Variants in ZNF735 observed in about 807,000 individuals in gnomAD.
ZNF735 encodes zinc finger protein 735.
ZNF735 carries 11 observed loss-of-function variants against 13.4 expected under a neutral mutation model. The ratio of observed to expected loss-of-function variants is 0.82; its 90% CI spans 0.52 to 1.36. The LOEUF (loss-of-function observed/expected upper bound fraction) is 1.36. Ranked by LOEUF, ZNF735 falls within the 40% of genes most tolerant of loss-of-function variation. ZNF735 has a pLI of 0.00. For synonymous variants in ZNF735, 171 were observed against 162.6 expected (o/e 1.05, Z -0.39); for missense variants, 500 against 484.6 (o/e 1.03, Z -0.30).
chr7:64,219,308 T>C lies in ZNF735; in HGVS notation c.263-6T>C. On this transcript the variant is annotated splice_polypyrimidine_tract_variant and splice_region_variant and intron_variant, in intron 3 of 3. Coordinates refer to ENST00000429565, the Ensembl canonical transcript of ZNF735. Reference sequence around the variant, plus strand: ...TGGAGTAACTTGTGATTTTTATGTCTTTCAGTTACATGTTCTCATTTCAAC... The same window carrying C: ...TGGAGTAACTTGTGATTTTTATGTCCTTCAGTTACATGTTCTCATTTCAAC... 1 of 1,608,012 alleles carries C rather than the reference T, an allele frequency of 6.2e-7. No individual in the cohort carries two copies. Among genetic ancestry groups the C allele is most frequent in the Non-Finnish European group, 8.5e-7 (1 of 1,178,406 alleles).
At chr7:64,220,288 T>C (rs1389018526) in exon 4 of ZNF735, 3 of 1,603,300 alleles carry the variant, frequency 1.9e-6, no homozygotes, top group Non-Finnish European at 2.6e-6. Context: ...CAAATGTAAA[T>C]AATGTGGCAA....
exon 4 of ZNF735, chr7:64,219,819 T>G (rs896516799): frequency 6.2e-7 from 1 of 1,612,972 alleles, no homozygotes; most frequent in African/African-American, 1.3e-5. Flanking sequence ...CCTCAAACCT[T>G]ACTAGACATA....
chr7:64,211,685 G>A (rs1787361672), intron 1 of ZNF735, among the ~76,000 whole-genome samples: 1 of 151,800 alleles, frequency 6.6e-6, no homozygotes, highest in Admixed American at 6.6e-5. Flanking sequence ...CCAACCTGGT[G>A]AAACCCTGTC....
chr7:64,211,245 C>A (rs957104745), intron 1 of ZNF735, among the ~76,000 whole-genome samples: 2 of 152,106 alleles, frequency 1.3e-5, no homozygotes, highest in African/African-American at 4.8e-5. Flanking sequence ...TTAAAATGTT[C>A]CCATTGTAGC....
exon 2 of ZNF735, chr7:64,213,120 T>C (rs1280930729): frequency 1.2e-6 from 2 of 1,612,898 alleles, no homozygotes; most frequent in Non-Finnish European, 1.7e-6. Flanking sequence ...GACATAGCTA[T>C]AGAATTCTCT....
intron 1 of ZNF735, among the ~76,000 whole-genome samples, chr7:64,211,853 A>G (rs1216677155): frequency 1.3e-5 from 2 of 149,244 alleles, no homozygotes; most frequent in African/African-American, 4.9e-5. Flanking sequence ...GCGACAGAGC[A>G]AGACTCCATC....
chr7:64,218,668 G>A (rs867966017), intron 3 of ZNF735, among the ~76,000 whole-genome samples: 40 of 151,362 alleles, frequency 2.6e-4, no homozygotes, highest in Non-Finnish European at 3.5e-4. Context: ...TTTTTGATTG[G>A]ACCATGTTGC....
At chr7:64,219,346 C>T in exon 4 of ZNF735, 2 of 1,613,408 alleles carry the variant, frequency 1.2e-6, no homozygotes, top group Non-Finnish European at 1.7e-6. Flanking sequence ...AGACCTTCAG[C>T]CAGAGCAGAG....
At chr7:64,207,302 T>C in intron 1 of ZNF735, 61 bp downstream of exon 1, 1 of 1,614,002 alleles carries the variant, frequency 6.2e-7, no homozygotes, top group South Asian at 1.1e-5. Context: ...CGGCTGAAAG[T>C]GGCTGCAGCA....
chr7:64,208,274 T>TTTTTTTTTG (rs1787316261), intron 1 of ZNF735, among the ~76,000 whole-genome samples: 1 of 125,392 alleles, frequency 8.0e-6, no homozygotes, highest in African/African-American at 3.1e-5. Context: ...TTTTTTTTTT[T>TTTTTTTTTG]GGAGAGGGAG....
chr7:64,208,242 A>ATTTTTTTT (rs1491567574), intron 1 of ZNF735, among the ~76,000 whole-genome samples: 5 of 76,406 alleles, frequency 6.5e-5, no homozygotes, highest in East Asian at 3.2e-4. Context: ...TCTCCAATAA[A>ATTTTTTTT]TGTTTTTTTT....
chr7:64,208,144 TC>T (rs1787312318), intron 1 of ZNF735, among the ~76,000 whole-genome samples: 1 of 151,542 alleles, frequency 6.6e-6, no homozygotes, highest in African/African-American at 2.4e-5. Context: ...ACTTGGAAGA[TC>T]CAGGTGAAAA....
At chr7:64,216,777 T>G (rs1787426893) in intron 3 of ZNF735, among the ~76,000 whole-genome samples, 1 of 152,050 alleles carries the variant, frequency 6.6e-6, no homozygotes, top group African/African-American at 2.4e-5. Context: ...CAGCTAATTC[T>G]CAATTATTTG....
intron 1 of ZNF735, among the ~76,000 whole-genome samples, chr7:64,211,453 T>A (rs1787359335): frequency 6.6e-6 from 1 of 152,182 alleles, no homozygotes; most frequent in Admixed American, 6.5e-5. Flanking sequence ...AAAAAACTAT[T>A]AGGAGATACT....
chr7:64,214,575 T>C (rs1334381765), intron 3 of ZNF735, among the ~76,000 whole-genome samples: 1 of 152,132 alleles, frequency 6.6e-6, no homozygotes, highest in East Asian at 1.9e-4. Context: ...TTTATTACTG[T>C]AGCCTTGAAA....
chr7:64,208,013 G>A (rs532842154), intron 1 of ZNF735, among the ~76,000 whole-genome samples: 8 of 151,974 alleles, frequency 5.3e-5, no homozygotes, highest in Admixed American at 1.3e-4. Context: ...ACCATAGAGC[G>A]CCCAGCTATG....
exon 4 of ZNF735, chr7:64,219,762 A>G (rs745554797): frequency 1.2e-6 from 2 of 1,610,292 alleles, no homozygotes; most frequent in South Asian, 2.2e-5. Flanking sequence ...TTCTTACTGG[A>G]GAGAAACCCT....
chr7:64,218,794 T>C (rs1787452353), intron 3 of ZNF735, among the ~76,000 whole-genome samples: 1 of 152,188 alleles, frequency 6.6e-6, no homozygotes, highest in African/African-American at 2.4e-5. Flanking sequence ...AGCAATTGTC[T>C]TGGGTAGAGA....
Position 64,213,332 on chromosome 7 carries a change from A to G in ZNF735, c.166+114A>G. 7 of 1,065,112 alleles carry G rather than the reference A, an allele frequency of 6.6e-6. No homozygotes were observed. In the South Asian group the frequency reaches 7.1e-5, roughly 11 times the overall value. The allele number at this position is 1,065,112 out of a possible 1,614,324, so 66.0% of individuals were successfully genotyped here. A position where few individuals can be genotyped will look rare whatever the true frequency, so the allele number is the denominator to read the frequency against. On this transcript the variant is annotated intron_variant, in intron 2 of 3. Transcript: ENST00000429565. ...AATTTTAGCTCTCCGATTTAAAGAAAATCTTGGGGATTCATTGGTGTAGAT... is the reference window on the plus strand; with the variant it reads ...AATTTTAGCTCTCCGATTTAAAGAAGATCTTGGGGATTCATTGGTGTAGAT...
Sources: gnomAD v4.1 joint callset for allele counts (sites outside exome capture counted in the v4.1 genomes callset) on GRCh38, gnomAD v4.1.1 for gene constraint, MANE v1.5 for transcripts, NCBI Gene and HGNC (gene_info 2026-07-23, HGNC 2026-07-21) for gene names.